Variants in SPARCL1 observed in about 807,000 individuals in gnomAD.
The protein encoded by SPARCL1 is SPARC like 1.
In SPARCL1, 52 loss-of-function variants were observed where a neutral mutation model predicts 67.1. The observed-to-expected ratio is 0.78, with a 90% CI of 0.62 to 0.98. The LOEUF is 0.98. SPARCL1 is among the 50% of genes least tolerant of loss of function. SPARCL1 has a pLI of 0.00. For missense variants in SPARCL1, 717 were observed against 782.4 expected, an observed-to-expected ratio of 0.92 and a Z score of 1.00; for synonymous variants, 226 against 267.8, an observed-to-expected ratio of 0.84 and a Z score of 1.52.
chr4:87,523,357 G>T (rs780129440), intron 1 of SPARCL1, among the ~76,000 whole-genome samples: 2 of 152,158 alleles, frequency 1.3e-5, no homozygotes, highest in East Asian at 3.8e-4. Flanking sequence ...TTTAAAGCAG[G>T]TTTAGTCATT....
intron 1 of SPARCL1, among the ~76,000 whole-genome samples, chr4:87,501,993 G>C (rs1724872807): frequency 6.6e-6 from 1 of 150,564 alleles, no homozygotes; most frequent in Non-Finnish European, 1.5e-5. Flanking sequence ...CCTGGAGATA[G>C]GGTTTCGCCA....
intron 7 of SPARCL1, among the ~76,000 whole-genome samples, chr4:87,485,538 T>G (rs1199968891): frequency 1.4e-5 from 2 of 144,912 alleles, no homozygotes; most frequent in Non-Finnish European, 3.0e-5. Context: ...TTTTTTTTTG[T>G]ATATCCTTCA....
chr4:87,483,148 A>G (rs531490255), intron 7 of SPARCL1, among the ~76,000 whole-genome samples: 1 of 150,620 alleles, frequency 6.6e-6, no homozygotes, highest in African/African-American at 2.4e-5. Context: ...CAGGTTTGTT[A>G]CATAGGTATA....
rs541807799 is a variant in SPARCL1, at chr4:87,512,708, G to C, written c.-11-13123C>G. ...ATGCAGTGGAGCCCAATCCAGATTGGAGAATTATGAGCAAATACAGGGATG... is the reference window on the plus strand; with the variant it reads ...ATGCAGTGGAGCCCAATCCAGATTGCAGAATTATGAGCAAATACAGGGATG... On this transcript the variant is annotated intron_variant, in intron 1 of 10. Coordinates refer to ENST00000282470, the MANE Select transcript of SPARCL1 (RefSeq NM_004684.6). Among the ~76,000 whole-genome samples, 3 of 152,258 alleles carry C rather than the reference G, an allele frequency of 2.0e-5. No homozygotes were observed. In the South Asian group the frequency reaches 6.2e-4, roughly 32 times the overall value.
At chr4:87,510,112 T>C (rs185941099) in intron 1 of SPARCL1, among the ~76,000 whole-genome samples, 2 of 152,264 alleles carry the variant, frequency 1.3e-5, no homozygotes, top group East Asian at 1.9e-4. Flanking sequence ...GCAAAGAAAA[T>C]AGTAGAAACT....
intron 1 of SPARCL1, among the ~76,000 whole-genome samples, chr4:87,502,439 A>G (rs1028356616): frequency 2.6e-5 from 4 of 152,186 alleles, no homozygotes; most frequent in Non-Finnish European, 1.5e-5. Flanking sequence ...CACCCTTCCC[A>G]GCCTCAAGTA....
At position 87,480,645 on chromosome 4, in the gene SPARCL1, G is replaced by A. The variant is rs1420601867; in HGVS notation, c.1669-125C>T. On this transcript the variant is annotated intron_variant, in intron 8 of 10. Transcript: ENST00000282470. ...GGGGAAAACAAGCTCAGGACATCATGTGCAACTAAATGAAATTCCTTCCAA... is the reference window on the plus strand; with the variant it reads ...GGGGAAAACAAGCTCAGGACATCATATGCAACTAAATGAAATTCCTTCCAA... The A allele has an allele frequency of 5.0e-6, 4 of 795,948 alleles. No homozygotes were observed. The African/African-American group carries it at 5.2e-5, about 10-fold the overall frequency. The allele number at this position is 795,948 out of a possible 1,614,324, so 49.3% of individuals were successfully genotyped here.
intron 10 of SPARCL1, among the ~76,000 whole-genome samples, chr4:87,475,552 C>T (rs1295621310): frequency 6.6e-6 from 1 of 152,138 alleles, no homozygotes; most frequent in African/African-American, 2.4e-5. Flanking sequence ...GTCAATTATT[C>T]TCTGTATGCT....
chr4:87,477,816 G>A (rs558831628), intron 10 of SPARCL1, among the ~76,000 whole-genome samples: 11 of 152,262 alleles, frequency 7.2e-5, no homozygotes, highest in African/African-American at 2.6e-4. Context: ...CTTGGAAACC[G>A]TGAGAAAGAA....
Position 87,494,564 on chromosome 4 carries a change from T to C in SPARCL1, c.236A>G (p.Glu79Gly). The C allele has an allele frequency of 6.2e-7, 1 of 1,609,596 alleles. No homozygotes were observed. Among genetic ancestry groups the C allele is most frequent in the South Asian group, 1.1e-5 (1 of 89,944 alleles). The part of the protein sequence containing the change: ...EKSSVLKSKE[E>G]SHEQSAEQGK... Reference sequence around the variant, plus strand: ...CTGTTCTGCTGACTGTTCATGGCTTTCCTCTTTTGACTTTAGTACTGATGA... The same window carrying C: ...CTGTTCTGCTGACTGTTCATGGCTTCCCTCTTTTGACTTTAGTACTGATGA... Residue 79 changes from glutamate to glycine, a missense_variant, in exon 4 of 11, where the codon GAA (glutamate) becomes GGA (glycine). Coordinates refer to ENST00000282470, the MANE Select transcript of SPARCL1 (RefSeq NM_004684.6).
At chr4:87,479,987 C>T (rs1242596668) in intron 9 of SPARCL1, among the ~76,000 whole-genome samples, 2 of 150,408 alleles carry the variant, frequency 1.3e-5, no homozygotes, top group Non-Finnish European at 2.9e-5. Context: ...AACATGTAAA[C>T]TTGGGAGCTG....
chr4:87,475,118 C>T (rs1723535528), intron 10 of SPARCL1, among the ~76,000 whole-genome samples: 1 of 152,128 alleles, frequency 6.6e-6, no homozygotes, highest in Non-Finnish European at 1.5e-5. Flanking sequence ...AAATGCTCCC[C>T]TTTTTTAGAA....
chr4:87,491,952 C>T (rs1304398557), intron 4 of SPARCL1, among the ~76,000 whole-genome samples: 3 of 99,386 alleles, frequency 3.0e-5, no homozygotes, highest in Non-Finnish European at 5.5e-5. Context: ...CCACCCCCCC[C>T]CCCAAAAAAA....
chr4:87,524,919 T>G (rs948259700), intron 1 of SPARCL1, among the ~76,000 whole-genome samples: 2 of 152,150 alleles, frequency 1.3e-5, no homozygotes, highest in Non-Finnish European at 2.9e-5. Context: ...TCCCAGCACC[T>G]TGGGAGCCTG....
intron 1 of SPARCL1, among the ~76,000 whole-genome samples, chr4:87,505,923 A>G (rs1444725483): frequency 6.6e-6 from 1 of 152,168 alleles, no homozygotes; most frequent in African/African-American, 2.4e-5. Context: ...AATACAAAAT[A>G]GTATGGTTTA....
chr4:87,504,158 T>A (rs185087356), intron 1 of SPARCL1, among the ~76,000 whole-genome samples: 59 of 101,450 alleles, frequency 5.8e-4, no homozygotes, highest in African/African-American at 2.3e-3. Context: ...TGTGTGTGTG[T>A]GTGTGTGTGT....
intron 3 of SPARCL1, 87 bp downstream of exon 3, chr4:87,494,894 A>G: frequency 8.1e-7 from 1 of 1,238,398 alleles, no homozygotes; most frequent in Non-Finnish European, 1.1e-6. Flanking sequence ...CTGAGACATA[A>G]ATAACATAAT....
chr4:87,482,530 A>G lies in SPARCL1; in HGVS notation c.1562T>C (p.Ile521Thr), dbSNP rs988522499. 28 of 1,613,944 alleles carry G rather than the reference A, an allele frequency of 1.7e-5. No homozygotes were observed. The highest frequency in any genetic ancestry group is 2.2e-5 in the Non-Finnish European group (26 of 1,179,940). ...GTCTCTCATCCGTAGAGGAAACTGA[A>G]TCACTTCAAAGTCCGTACAAGTAGG... ...SIPTCTDFEV[I>T]QFPLRMRDWL... The change falls in exon 8 of 11, where the codon ATT becomes ACT. Residue 521 changes from isoleucine to threonine, a missense_variant. Coordinates refer to ENST00000282470, the MANE Select transcript of SPARCL1 (RefSeq NM_004684.6).
chr4:87,527,774 G>A (rs1027684369), intron 1 of SPARCL1, among the ~76,000 whole-genome samples: 2 of 152,078 alleles, frequency 1.3e-5, no homozygotes, highest in African/African-American at 4.8e-5. Flanking sequence ...TTGATTGGAC[G>A]ATAAGTAGAT....
Sources: allele counts gnomAD v4.1 joint callset (sites outside exome capture counted in the v4.1 genomes callset), GRCh38; gene constraint gnomAD v4.1.1; transcripts MANE v1.5; gene names NCBI Gene and HGNC (gene_info 2026-07-23, HGNC 2026-07-21).